Variants in CTTNBP2 observed in about 807,000 individuals in gnomAD.
CTTNBP2 encodes the protein cortactin-binding protein 2.
A neutral mutation model predicts 156.9 loss-of-function variants in CTTNBP2; 108 were observed. The observed-to-expected ratio is 0.69, with a 90% CI of 0.59 to 0.81. CTTNBP2 has a LOEUF of 0.81. CTTNBP2 is among the 30% of genes least tolerant of loss of function. The probability of loss-of-function intolerance (pLI) is 0.00; values close to 1 mark genes in which losing one functional copy is unlikely to be tolerated. For missense variants in CTTNBP2, 1,924 were observed against 2,035.4 expected (o/e 0.95, Z 1.05); for synonymous variants, 767 against 751.8 (o/e 1.02, Z -0.33).
chr7:117,838,750 T>C (rs978163522), intron 2 of CTTNBP2, among the ~76,000 whole-genome samples: 4 of 152,020 alleles, frequency 2.6e-5, no homozygotes, highest in African/African-American at 9.7e-5. Flanking sequence ...TTAACACAAA[T>C]AGTGGCATAT....
At chr7:117,744,559 A>G (rs1764337414) in intron 14 of CTTNBP2, among the ~76,000 whole-genome samples, 1 of 151,964 alleles carries the variant, frequency 6.6e-6, no homozygotes, top group Non-Finnish European at 1.5e-5. Flanking sequence ...GTGTATATGT[A>G]CCATATTTTC....
chr7:117,717,771 A>ACAGACACCCAAAATTTTGGAATC (rs1160121250), intron 22 of CTTNBP2, among the ~76,000 whole-genome samples: 1 of 152,102 alleles, frequency 6.6e-6, no homozygotes, highest in Non-Finnish European at 1.5e-5. Flanking sequence ...GGAGATCTCA[A>ACAGACACCCAAAATTTTGGAATC]CAGACACCCA....
chr7:117,791,054 T>C (rs1798970069), intron 4 of CTTNBP2, 74 bp downstream of exon 4: 3 of 1,245,026 alleles, frequency 2.4e-6, no homozygotes, highest in Admixed American at 2.3e-5. Context: ...TTCAAGGCAA[T>C]GTGAAGAAAA....
chr7:117,795,143 G>A lies in CTTNBP2; in HGVS notation c.415-2362C>T, dbSNP rs571541266. ...GATCTCCTGACCTCATGATCCACCC[G>A]CCTCGGCCTCCCAAAGTGCTGGGAT... is the stretch of plus-strand genomic sequence containing the variant. On this transcript the variant is annotated intron_variant, in intron 3 of 22. Transcript: ENST00000160373. 2.5e-3 allele frequency among the ~76,000 whole-genome samples: 321 copies of A among 126,888 alleles called. 1 individual carries two copies. Among genetic ancestry groups the A allele is most frequent in the African/African-American group, 9.1e-3 (300 of 32,936 alleles). The allele number at this position is 126,888 out of a possible 152,430, so 83.2% of individuals were successfully genotyped here. A position where few individuals can be genotyped will look rare whatever the true frequency, so the allele number is the denominator to read the frequency against.
chr7:117,718,161 C>A lies in CTTNBP2; in HGVS notation c.4645-42G>T, dbSNP rs753723444. On this transcript the variant is annotated intron_variant, in intron 21 of 22. Transcript: ENST00000160373. ...TTGCCCGGTCATGTCTCCACAGTCA[C>A]ACTGTGCATACTCAAGGCACAGCTA... 7 of 1,204,152 alleles carry A rather than the reference C, an allele frequency of 5.8e-6. No homozygotes were observed. In the Admixed American group the frequency reaches 1.0e-4, roughly 18 times the overall value. 74.6% of individuals were successfully genotyped at this position (1,204,152 alleles called of 1,614,324 possible). A position where few individuals can be genotyped will look rare whatever the true frequency, so the allele number is the denominator to read the frequency against.
At position 117,734,928 on chromosome 7, in the gene CTTNBP2, C is replaced by G. The variant is rs748672952; in HGVS notation, c.3861G>C (p.Arg1287Ser). The change falls in exon 16 of 23, where the codon AGG becomes AGC. Residue 1287 changes from arginine (R) to serine (S), a missense_variant. Coordinates refer to ENST00000160373, the MANE Select transcript of CTTNBP2 (RefSeq NM_033427.3). ...TGTTTGTTACCTTATTCACAACTTT[C>G]CTTCGTAAGAACCTCTGCAGCAGTC... ...MQGLLQRFLR[R>S]KVVNKFKGQA... 1.9e-6 allele frequency: 3 copies of G among 1,593,656 alleles called. No homozygotes were observed. The highest frequency in any genetic ancestry group is 2.6e-6 in the Non-Finnish European group (3 of 1,166,154).
chr7:117,771,453 A>G (rs1172418450), intron 8 of CTTNBP2, among the ~76,000 whole-genome samples: 1 of 152,224 alleles, frequency 6.6e-6, no homozygotes, highest in African/African-American at 2.4e-5. Context: ...AAGAAGGTAG[A>G]GTTAGGTGTG....
intron 8 of CTTNBP2, among the ~76,000 whole-genome samples, chr7:117,774,742 T>C (rs141168273): frequency 7.9e-5 from 12 of 152,044 alleles, no homozygotes; most frequent in Non-Finnish European, 1.5e-4. Flanking sequence ...AGTTCTCTAC[T>C]GAAAACCACG....
At chr7:117,728,911 A>G (rs1034321199) in intron 16 of CTTNBP2, among the ~76,000 whole-genome samples, 10 of 152,218 alleles carry the variant, frequency 6.6e-5, no homozygotes, top group African/African-American at 2.4e-4. Context: ...CCTCAGGCTT[A>G]ACATTTCTGA....
chr7:117,849,463 A>T (rs1474231109), intron 2 of CTTNBP2, among the ~76,000 whole-genome samples: 14 of 152,272 alleles, frequency 9.2e-5, no homozygotes, highest in Middle Eastern at 3.4e-3. Flanking sequence ...AAAGCCTCAG[A>T]TCATTCCATT....
At chr7:117,816,330 C>T (rs1800574306) in intron 2 of CTTNBP2, among the ~76,000 whole-genome samples, 1 of 152,208 alleles carries the variant, frequency 6.6e-6, no homozygotes, top group Non-Finnish European at 1.5e-5. Flanking sequence ...GATCATTGTT[C>T]TTTGCACCCC....
intron 2 of CTTNBP2, among the ~76,000 whole-genome samples, chr7:117,845,293 A>G (rs937404707): frequency 3.9e-5 from 6 of 152,212 alleles, no homozygotes; most frequent in Non-Finnish European, 8.8e-5. Context: ...GAAAAATCTC[A>G]AAGTTGAAGA....
chr7:117,799,407 CCAG>C (rs1262100062), intron 3 of CTTNBP2, among the ~76,000 whole-genome samples: 1 of 151,584 alleles, frequency 6.6e-6, no homozygotes, highest in Non-Finnish European at 1.5e-5. Flanking sequence ...AAGAGAAACA[CCAG>C]GATTATGTCA....
At chr7:117,829,685 T>C (rs755972551) in intron 2 of CTTNBP2, among the ~76,000 whole-genome samples, 11 of 152,204 alleles carry the variant, frequency 7.2e-5, no homozygotes, top group Non-Finnish European at 1.3e-4. Context: ...ACTGCCTCTG[T>C]GCTACAGTAA....
At chr7:117,720,099 G>A (rs1794696811) in intron 20 of CTTNBP2, among the ~76,000 whole-genome samples, 1 of 152,122 alleles carries the variant, frequency 6.6e-6, no homozygotes, top group African/African-American at 2.4e-5. Context: ...AGGGTTGCTG[G>A]AAAAATGATA....
chr7:117,846,358 C>G (rs6955977), intron 2 of CTTNBP2, among the ~76,000 whole-genome samples: 2 of 151,706 alleles, frequency 1.3e-5, no homozygotes, highest in Non-Finnish European at 1.5e-5. Flanking sequence ...TTGTATAACT[C>G]GTTTATAATT....
intron 2 of CTTNBP2, among the ~76,000 whole-genome samples, chr7:117,824,328 T>C (rs1225687917): frequency 6.6e-6 from 1 of 152,180 alleles, no homozygotes; most frequent in South Asian, 2.1e-4. Flanking sequence ...TAGAATTCAT[T>C]CCACTTGTTC....
intron 2 of CTTNBP2, among the ~76,000 whole-genome samples, chr7:117,828,957 C>T (rs1035336248): frequency 2.0e-5 from 3 of 152,212 alleles, no homozygotes; most frequent in East Asian, 1.9e-4. Flanking sequence ...AAGACAGATG[C>T]TAATCATTTC....
chr7:117,724,951 AT>A (rs539769911), intron 18 of CTTNBP2, 100 bp downstream of exon 18: 2 of 1,185,248 alleles, frequency 1.7e-6, no homozygotes, highest in East Asian at 4.7e-5. Flanking sequence ...TAAGATGTAT[AT>A]TTTTCTAATT....
Sources: gnomAD v4.1 joint callset for allele counts (sites outside exome capture counted in the v4.1 genomes callset) on GRCh38, gnomAD v4.1.1 for gene constraint, MANE v1.5 for transcripts, NCBI Gene and HGNC (gene_info 2026-07-23, HGNC 2026-07-21) for gene names.